The following DCAF10 variants were observed in gnomAD, a reference collection of about 807,000 sequenced individuals.
DCAF10 encodes the protein DDB1- and CUL4-associated factor 10.
Under a neutral mutation model 51.9 loss-of-function variants are expected in DCAF10, and 19 were observed. The ratio of observed to expected loss-of-function variants is 0.37; its 90% CI spans 0.26 to 0.54. DCAF10 has a LOEUF of 0.54. Ranked by LOEUF, DCAF10 falls within the 20% of genes least tolerant of loss-of-function variation. The pLI is 0.87. For missense variants in DCAF10, 510 were observed against 730.6 expected, an observed-to-expected ratio of 0.70 and a Z score of 3.48; for synonymous variants, 291 against 297.1, an observed-to-expected ratio of 0.98 and a Z score of 0.21.
intron 1 of DCAF10, among the ~76,000 whole-genome samples, chr9:37,815,006 A>G (rs1311739474): frequency 6.6e-6 from 1 of 152,214 alleles, no homozygotes; most frequent in East Asian, 1.9e-4. Flanking sequence ...GGTAAAAATA[A>G]AAGACTGATT....
intron 2 of DCAF10, among the ~76,000 whole-genome samples, chr9:37,841,453 G>A (rs1367259715): frequency 1.3e-5 from 2 of 152,162 alleles, no homozygotes; most frequent in African/African-American, 4.8e-5. Context: ...TAAGGATTGA[G>A]AAGTTAGTGT....
chr9:37,857,105 C>T, intron 4 of DCAF10, 136 bp from the exon 5 acceptor site: 1 of 544,546 alleles, frequency 1.8e-6, no homozygotes, highest in Non-Finnish European at 3.1e-6. Flanking sequence ...TCTTGCCTTC[C>T]TCAGTCTTAT....
In DCAF10 at chr9:37,855,124, G is replaced by A. The variant is rs570855355; in HGVS notation, c.1054+142G>A. On this transcript the variant is annotated intron_variant, in intron 4 of 6. Transcript: ENST00000377724. ...CATTCTTTAGAAAGCTCATTGATGG[G>A]TTTTTATCTAAGCAAGTATAATGAT... 137 of 712,970 alleles carry A rather than the reference G, an allele frequency of 1.9e-4. No homozygotes were observed. The African/African-American group carries it at 2.2e-3, about 12-fold the overall frequency. 44.2% of individuals were successfully genotyped at this position (712,970 alleles called of 1,614,324 possible).
chr9:37,841,116 A>G (rs1235505650), intron 2 of DCAF10, among the ~76,000 whole-genome samples: 1 of 152,184 alleles, frequency 6.6e-6, no homozygotes, highest in Non-Finnish European at 1.5e-5. Context: ...GTGACACATG[A>G]TGGTATTAAA....
At chr9:37,857,962 A>G (rs535327659) in intron 5 of DCAF10, among the ~76,000 whole-genome samples, 1 of 152,142 alleles carries the variant, frequency 6.6e-6, no homozygotes, top group South Asian at 2.1e-4. Context: ...ATACTAACTG[A>G]CGTCTAAGCT....
chr9:37,839,048 A>ATT lies in DCAF10; in HGVS notation c.654-3032_654-3031dup, dbSNP rs374481907. The stretch of plus-strand genomic sequence containing the variant: ...ATAAAGTGGTTATTTTTGGTGATGG[A>ATT]TTTTTTTTTTCTTTTTCTTTTTTTT... On this transcript the variant is annotated intron_variant, in intron 2 of 6. Coordinates refer to ENST00000377724, the MANE Select transcript of DCAF10 (RefSeq NM_024345.5). 3.8e-3 allele frequency among the ~76,000 whole-genome samples: 565 copies of ATT among 148,258 alleles called. 4 individuals are homozygous for ATT. The highest frequency in any genetic ancestry group is 0.014 in the African/African-American group (547 of 40,320).
intron 3 of DCAF10, among the ~76,000 whole-genome samples, chr9:37,853,315 A>T (rs1326656673): frequency 6.6e-6 from 1 of 151,262 alleles, no homozygotes; most frequent in Non-Finnish European, 1.5e-5. Flanking sequence ...TGGGAGGCTG[A>T]GGCAGGAGAA....
intron 3 of DCAF10, among the ~76,000 whole-genome samples, chr9:37,852,648 C>T (rs12238323): frequency 1.3e-3 from 193 of 152,016 alleles, no homozygotes; most frequent in Admixed American, 3.2e-3. Context: ...TGGTGGCTCA[C>T]GCCTATAATC....
In DCAF10 at chr9:37,861,912, G is replaced by A. The variant is rs1240274729; in HGVS notation, c.*404G>A. 6 of 173,094 alleles carry A rather than the reference G, an allele frequency of 3.5e-5. No homozygotes were observed. The East Asian group carries it at 8.6e-4, about 25-fold the overall frequency. The allele number at this position is 173,094 out of a possible 1,614,324, so 10.7% of individuals were successfully genotyped here. On this transcript the variant is annotated 3_prime_UTR_variant, in exon 7 of 7. Transcript: ENST00000377724. This position sits in a 1 kb window ranked among gnomAD's most constrained non-coding sequence, Gnocchi z 4.9. ...ACATTTGGCAGGAGTTTTGACTGGG[G>A]TAGGAGAAACCCATGACATTAGAAT...
chr9:37,857,373 A>G (rs1444088703), intron 5 of DCAF10, 22 bp downstream of exon 5: 2 of 1,538,914 alleles, frequency 1.3e-6, no homozygotes, highest in African/African-American at 2.8e-5. Context: ...GTTGGATTTT[A>G]TAATCTTGTA....
chr9:37,857,426 A>G, intron 5 of DCAF10, 75 bp downstream of exon 5: 1 of 1,125,766 alleles, frequency 8.9e-7, no homozygotes, highest in Non-Finnish European at 1.2e-6. Context: ...ATTGATTAAA[A>G]CCAGTTTTAT....
chr9:37,860,010 T>G, intron 5 of DCAF10, 38 bp from the exon 6 acceptor site: 5 of 1,610,904 alleles, frequency 3.1e-6, no homozygotes, highest in Non-Finnish European at 4.2e-6. Context: ...AGTTTTTTGA[T>G]AATACAAATC....
rs1433064544 is a variant in DCAF10 at position 37,853,443 on chromosome 9, T to C, written c.852-1337T>C. The stretch of plus-strand genomic sequence containing the variant: ...AAAAAAAAAAAAAAATTCTGAGGGA[T>C]ATACTTCAGAAAGAAAGGATCAAAA... On this transcript the variant is annotated intron_variant, in intron 3 of 6. Transcript: ENST00000377724. Among the ~76,000 whole-genome samples the C allele has an allele frequency of 2.0e-5, 3 of 150,114 alleles. No individual in the cohort carries two copies. In the East Asian group the frequency reaches 5.9e-4, roughly 29 times the overall value.
intron 2 of DCAF10, among the ~76,000 whole-genome samples, chr9:37,827,555 G>C (rs1408120428): frequency 6.6e-6 from 1 of 152,062 alleles, no homozygotes; most frequent in Non-Finnish European, 1.5e-5. Flanking sequence ...TTTCTAATAT[G>C]TAGTTGAGCT....
intron 2 of DCAF10, among the ~76,000 whole-genome samples, chr9:37,826,983 G>A (rs540210774): frequency 1.3e-5 from 2 of 151,924 alleles, no homozygotes; most frequent in East Asian, 3.9e-4. Flanking sequence ...GTGCCACCAC[G>A]CCTGGCTAAT....
In DCAF10 at chr9:37,865,733, G is replaced by A. The variant is rs1831123951; in HGVS notation, c.*4225G>A. ...CTATTTTAGTCTTTTAAAAATGTGTGTGGGTGGTCTTTTTTCCTCAGAAGC... is the reference window on the plus strand; with the variant it reads ...CTATTTTAGTCTTTTAAAAATGTGTATGGGTGGTCTTTTTTCCTCAGAAGC... On this transcript the variant is annotated 3_prime_UTR_variant, in exon 7 of 7. Transcript: ENST00000377724. The A allele has an allele frequency of 6.6e-6, 1 of 152,112 alleles. No homozygotes were observed. Among genetic ancestry groups the A allele is most frequent in the Non-Finnish European group, 1.5e-5 (1 of 68,002 alleles). The allele number at this position is 152,112 out of a possible 1,614,324, so 9.4% of individuals were successfully genotyped here.
chr9:37,856,904 C>T (rs1830864641), intron 4 of DCAF10, among the ~76,000 whole-genome samples: 1 of 152,204 alleles, frequency 6.6e-6, no homozygotes, highest in Non-Finnish European at 1.5e-5. Flanking sequence ...CCTATTTTAA[C>T]ATAAAACAAT....
chr9:37,836,464 T>A, intron 2 of DCAF10: 3 of 1,223,680 alleles, frequency 2.5e-6, no homozygotes, highest in Non-Finnish European at 3.6e-6. Flanking sequence ...TATGTTTAAG[T>A]GGAGAGTGCT....
At chr9:37,800,744 G>A, upstream of DCAF10, 1 of 1,533,972 alleles carries the variant, frequency 6.5e-7, no homozygotes, top group Non-Finnish European at 8.7e-7. Flanking sequence ...GTGGCCGAGG[G>A]GCGGCGCGGG....
Sources: allele counts gnomAD v4.1 joint callset (sites outside exome capture counted in the v4.1 genomes callset), GRCh38; gene constraint gnomAD v4.1.1; non-coding constraint Gnocchi (gnomAD v3.1); transcripts MANE v1.5; gene names NCBI Gene and HGNC (gene_info 2026-07-23, HGNC 2026-07-21).